BNC1: variants seen among roughly 807,000 people sequenced by gnomAD.
The protein encoded by BNC1 is zinc finger protein basonuclin-1.
Under a neutral mutation model 66.5 loss-of-function variants are expected in BNC1, and 8 were observed. The observed-to-expected ratio is 0.12, with a 90% CI of 0.07 to 0.22. The LOEUF is 0.22. Ranked by LOEUF, BNC1 falls within the 10% of genes least tolerant of loss-of-function variation. The probability of loss-of-function intolerance (pLI) is 1.00; values close to 1 mark genes in which losing one functional copy is unlikely to be tolerated. For missense variants in BNC1, 1,069 were observed against 1,241.3 expected, an observed-to-expected ratio of 0.86 and a Z score of 2.09; for synonymous variants, 454 against 452.6, an observed-to-expected ratio of 1.00 and a Z score of -0.04.
chr15:83,280,571 CTTAGT>C (rs2038367777), intron 1 of BNC1, among the ~76,000 whole-genome samples: 1 of 152,144 alleles, frequency 6.6e-6, no homozygotes, highest in Non-Finnish European at 1.5e-5. Flanking sequence ...AAAGATCAAA[CTTAGT>C]TAATTATGCC....
At chr15:83,278,759 A>G (rs1457580121) in intron 1 of BNC1, among the ~76,000 whole-genome samples, 2 of 152,202 alleles carry the variant, frequency 1.3e-5, no homozygotes, top group African/African-American at 4.8e-5. Flanking sequence ...ACCACCACAC[A>G]TATGGTGTTC....
At chr15:83,281,558 C>T (rs1384527350) in intron 1 of BNC1, among the ~76,000 whole-genome samples, 1 of 152,204 alleles carries the variant, frequency 6.6e-6, no homozygotes, top group East Asian at 1.9e-4. Flanking sequence ...AGAAAATTCA[C>T]CCTGGGGTGA....
rs954527512 is a variant in BNC1 at position 83,272,332 on chromosome 15, G to A, written c.100-4100C>T. Among the ~76,000 whole-genome samples the A allele has an allele frequency of 1.1e-4, 16 of 150,804 alleles. 1 individual carries two copies. Among genetic ancestry groups the A allele is most frequent in the African/African-American group, 3.9e-4 (16 of 40,814 alleles). The stretch of plus-strand genomic sequence containing the variant: ...TGCAACCTCCACCTCCCAGGTTCAA[G>A]TGATTCTTGTGCCTCAGCCTCCTGA... On this transcript the variant is annotated intron_variant, in intron 1 of 4. Transcript: ENST00000345382.
chr15:83,271,657 C>T (rs980677999), intron 1 of BNC1, among the ~76,000 whole-genome samples: 1 of 152,010 alleles, frequency 6.6e-6, no homozygotes, highest in Non-Finnish European at 1.5e-5. Context: ...CATACATAAA[C>T]CTATATCGCA....
At position 83,264,146 on chromosome 15, in the gene BNC1, TG is replaced by T. The variant is rs1463354479; in HGVS notation, c.1104del (p.Asp368GlufsTer14). 1 of 1,614,188 alleles carries T rather than the reference TG, an allele frequency of 6.2e-7. No homozygotes were observed. The highest frequency in any genetic ancestry group is 8.5e-7 in the Non-Finnish European group (1 of 1,180,040). ...TTGTAGTGGATTTTGAGGGTGCCTT[TG>T]TCATAGAAGGTCTTCTCACATGCAG... The part of the protein sequence containing the change: ...FCTACEKTFY[D>X]KGTLKIHYNA... On this transcript the variant is annotated frameshift_variant, in exon 4 of 5. Transcript: ENST00000345382. LOFTEE classifies it high-confidence loss of function.
In BNC1 at chr15:83,264,184, C is replaced by T. The variant is rs2038186346; in HGVS notation, c.1067G>A (p.Arg356Gln). The change falls in exon 4 of 5, where the codon CGG becomes CAG. Residue 356 changes from arginine to glutamine, a missense_variant. Physicochemically the swap from Arg to Gln is conservative, Grantham distance 43. Transcript: ENST00000345382. ...CTTCTCACATGCAGTGCAGAACACCCGGCCCTTCTTTGTACCAAGGCTATT... is the reference window on the plus strand; with the variant it reads ...CTTCTCACATGCAGTGCAGAACACCTGGCCCTTCTTTGTACCAAGGCTATT... ...ERNSLGTKKGRVFCTACEKTF... is the reference protein window; with the variant it reads ...ERNSLGTKKGQVFCTACEKTF... 3.1e-6 allele frequency: 5 copies of T among 1,614,058 alleles called. No homozygotes were observed. Among genetic ancestry groups the T allele is most frequent in the East Asian group, 4.5e-5 (2 of 44,894 alleles).
rs1399199313 is a variant in BNC1 at position 83,257,560 on chromosome 15, T to C, written c.2867A>G (p.His956Arg). ...HYKTVHLRQL[H>R]KCKVPGCNTM... ...GTTGCAGCCTGGTACTTTGCATTTGTGGAGCTGCCGGAGGTGCACAGTTTT... is the reference window on the plus strand; with the variant it reads ...GTTGCAGCCTGGTACTTTGCATTTGCGGAGCTGCCGGAGGTGCACAGTTTT... Residue 956 changes from histidine to arginine, a missense_variant, in exon 5 of 5, where the codon CAC becomes CGC. By Grantham distance (29) the His-to-Arg change is conservative. Coordinates refer to ENST00000345382, the MANE Select transcript of BNC1 (RefSeq NM_001717.4). 1 of 1,614,122 alleles carries C rather than the reference T, an allele frequency of 6.2e-7. No homozygotes were observed. The highest frequency in any genetic ancestry group is 8.5e-7 in the Non-Finnish European group (1 of 1,180,032).
chr15:83,282,166 G>A (rs1486094881), intron 1 of BNC1, among the ~76,000 whole-genome samples: 1 of 152,212 alleles, frequency 6.6e-6, no homozygotes, highest in Non-Finnish European at 1.5e-5. Flanking sequence ...GCAGATGCCT[G>A]AACATAATTA....
chr15:83,275,823 A>G (rs940334307), intron 1 of BNC1, among the ~76,000 whole-genome samples: 2 of 152,198 alleles, frequency 1.3e-5, no homozygotes, highest in African/African-American at 4.8e-5. Flanking sequence ...CAGGTGTCAG[A>G]GACCACTGTG....
chr15:83,282,916 G>A (rs2038394401), intron 1 of BNC1, among the ~76,000 whole-genome samples: 1 of 152,106 alleles, frequency 6.6e-6, no homozygotes, highest in Non-Finnish European at 1.5e-5. Context: ...GACACCGGTG[G>A]GGCCTCTTTT....
chr15:83,257,858 C>A lies in BNC1; in HGVS notation c.2569G>T (p.Asp857Tyr). ...SGPLSEGTIL[D>Y]LSTTSSMKSE... ...TTCATGCTCGAGGTAGTGCTCAAAT[C>A]CAGGATGGTGCCCTCGCTCAAGGGG... The change falls in exon 5 of 5, where the codon GAT (aspartate) becomes TAT (tyrosine). Residue 857 changes from aspartate to tyrosine, a missense_variant. This residue lies in a region of BNC1 where 657 missense variants were observed against 715.8 expected (regional missense o/e 0.92). Transcript: ENST00000345382. 2 of 1,614,166 alleles carry A rather than the reference C, an allele frequency of 1.2e-6. No homozygotes were observed. Among genetic ancestry groups the A allele is most frequent in the Non-Finnish European group, 1.7e-6 (2 of 1,180,036 alleles).
chr15:83,271,809 T>C (rs1485173209), intron 1 of BNC1, among the ~76,000 whole-genome samples: 4 of 152,228 alleles, frequency 2.6e-5, no homozygotes, highest in African/African-American at 9.6e-5. Context: ...GTTACAGAGT[T>C]TCTACTTGCA....
intron 1 of BNC1, chr15:83,283,548 G>C (rs1275037638): frequency 1.0e-6 from 1 of 979,288 alleles, no homozygotes; most frequent in Admixed American, 6.1e-5. Flanking sequence ...TCGGGGGCCG[G>C]GGGCTTCCCG....
intron 1 of BNC1, among the ~76,000 whole-genome samples, chr15:83,283,642 C>T (rs2038408594): frequency 6.6e-6 from 1 of 152,218 alleles, no homozygotes; most frequent in African/African-American, 2.4e-5. Flanking sequence ...TCCTGTCACT[C>T]CAGGAAAACC....
intron 1 of BNC1, chr15:83,283,450 G>C (rs1428242398): frequency 9.8e-6 from 12 of 1,224,002 alleles, no homozygotes; most frequent in Non-Finnish European, 1.2e-5. Context: ...TCCCAGCACG[G>C]AACCGACGGG....
chr15:83,277,888 G>A (rs1387338935), intron 1 of BNC1, among the ~76,000 whole-genome samples: 2 of 151,978 alleles, frequency 1.3e-5, no homozygotes, highest in Admixed American at 6.6e-5. Context: ...GAGCTACTTT[G>A]CCTCTGCACT....
chr15:83,268,115 G>C lies in BNC1; in HGVS notation c.199+18C>G. The C allele has an allele frequency of 6.2e-7, 1 of 1,600,714 alleles. No individual in the cohort carries two copies. Among genetic ancestry groups the C allele is most frequent in the Non-Finnish European group, 8.6e-7 (1 of 1,167,826 alleles). On this transcript the variant is annotated intron_variant, in intron 2 of 4. Coordinates refer to ENST00000345382, the MANE Select transcript of BNC1 (RefSeq NM_001717.4). The stretch of plus-strand genomic sequence containing the variant: ...GAGGTAACACTACAGGCCAAGAGAG[G>C]GTGAAAAATAAAGTTACCGTGGGCC...
rs753615155 is a variant in BNC1, at chr15:83,266,884, A to G, written c.387T>C (p.His129=). 3.7e-6 allele frequency: 6 copies of G among 1,614,112 alleles called. No homozygotes were observed. Among genetic ancestry groups the G allele is most frequent in the South Asian group, 2.2e-5 (2 of 91,086 alleles). ...AATCCTGAAGTGTCCAGTCCAAGGC[A>G]TGGAGGATCTGGAGAACCTCATCTT... ...LKQDEVLQIL[H]ALDWTLQDYI... is the part of the protein sequence containing the mutation. Residue 129 remains histidine, a synonymous_variant, in exon 3 of 5, where the codon CAT becomes CAC. Coordinates refer to ENST00000345382, the MANE Select transcript of BNC1 (RefSeq NM_001717.4).
At chr15:83,283,466 C>G (rs906927982) in intron 1 of BNC1, 6 of 1,207,430 alleles carry the variant, frequency 5.0e-6, no homozygotes, top group Non-Finnish European at 6.2e-6. Flanking sequence ...ACGGGGCGCT[C>G]CCGAGACGGG....
Sources: allele counts gnomAD v4.1 joint callset (sites outside exome capture counted in the v4.1 genomes callset), GRCh38; gene constraint gnomAD v4.1.1; regional missense constraint gnomAD v4.1.1; transcripts MANE v1.5; gene names NCBI Gene and HGNC (gene_info 2026-07-23, HGNC 2026-07-21).